The following FER1L6 variants were observed in gnomAD, a reference collection of about 807,000 sequenced individuals.
FER1L6 encodes the protein fer-1 like family member 6.
FER1L6 carries 177 observed loss-of-function variants against 219.2 expected under a neutral mutation model. The observed-to-expected ratio is 0.81, with a 90% confidence interval of 0.71 to 0.91. The LOEUF (loss-of-function observed/expected upper bound fraction) is 0.91. FER1L6 is among the 40% of genes least tolerant of loss of function. The probability of loss-of-function intolerance (pLI) is 0.00; values close to 1 mark genes in which losing one functional copy is unlikely to be tolerated. For missense variants in FER1L6, 2,153 were observed against 2,259.9 expected (o/e 0.95, Z 0.96); for synonymous variants, 768 against 824.3 (o/e 0.93, Z 1.17).
chr8:124,076,068 T>C, intron 31 of FER1L6, 130 bp from the exon 32 acceptor site: 1 of 1,177,364 alleles, frequency 8.5e-7, no homozygotes, highest in Non-Finnish European at 1.2e-6. Context: ...CCCAAAGCCC[T>C]GGCCCGTTAA....
chr8:123,862,633 A>G lies in FER1L6; in HGVS notation c.-8+10448A>G, dbSNP rs1462732889. On this transcript the variant is annotated intron_variant, in intron 1 of 40. Transcript: ENST00000522917. ...CTGGACTCTTTTTGGCTGGTAAACT[A>G]TTGATTATTGCCACAATTTCAGCTC... is the stretch of plus-strand genomic sequence containing the variant. 4.5e-4 allele frequency among the ~76,000 whole-genome samples: 65 copies of G among 145,760 alleles called. 2 individuals carry two copies. The highest frequency in any genetic ancestry group is 1.7e-3 in the African/African-American group (64 of 36,852).
At chr8:123,949,853 A>C (rs968243272) in intron 1 of FER1L6, among the ~76,000 whole-genome samples, 2 of 152,194 alleles carry the variant, frequency 1.3e-5, no homozygotes, top group Non-Finnish European at 2.9e-5. Flanking sequence ...CCAAAAGATA[A>C]TCAAGCAATA....
At chr8:124,037,057 G>C (rs1819249339) in intron 19 of FER1L6, among the ~76,000 whole-genome samples, 1 of 152,178 alleles carries the variant, frequency 6.6e-6, no homozygotes, top group South Asian at 2.1e-4. Flanking sequence ...TAGCACAAGA[G>C]GTGTACCAAT....
chr8:123,863,702 T>C (rs1166641250), intron 1 of FER1L6, among the ~76,000 whole-genome samples: 7 of 147,926 alleles, frequency 4.7e-5, no homozygotes, highest in Admixed American at 2.0e-4. Context: ...AGTTAGCTCT[T>C]CTTGTTGAAT....
Position 124,083,378 on chromosome 8 carries a change from A to G in FER1L6, c.4391+920A>G, listed in dbSNP as rs1417606651. On this transcript the variant is annotated intron_variant, in intron 33 of 40. Coordinates refer to ENST00000522917, the MANE Select transcript of FER1L6 (RefSeq NM_001039112.2). Reference sequence around the variant, plus strand: ...TATTTTTCTTAACCTAATGTCTTTAATTCATGTTGATTTTATTTTTGCATA... The same window carrying G: ...TATTTTTCTTAACCTAATGTCTTTAGTTCATGTTGATTTTATTTTTGCATA... Among the ~76,000 whole-genome samples, 4 of 151,996 alleles carry G rather than the reference A, an allele frequency of 2.6e-5. No individual in the cohort carries two copies. In the East Asian group the frequency reaches 7.7e-4, roughly 29 times the overall value.
intron 1 of FER1L6, among the ~76,000 whole-genome samples, chr8:123,945,233 C>G (rs1814435658): frequency 6.6e-6 from 1 of 152,196 alleles, no homozygotes; most frequent in East Asian, 1.9e-4. Flanking sequence ...TGACCCTGAG[C>G]TGAGGCTGAA....
intron 8 of FER1L6, 24 bp downstream of exon 8, chr8:123,975,330 G>A (rs762419451): frequency 8.9e-6 from 14 of 1,579,266 alleles, no homozygotes; most frequent in Admixed American, 8.7e-5. Flanking sequence ...ATCCTGGGTT[G>A]TGCATAGAAA....
At chr8:123,891,238 C>A (rs1812643902) in intron 1 of FER1L6, among the ~76,000 whole-genome samples, 1 of 152,132 alleles carries the variant, frequency 6.6e-6, no homozygotes, top group African/African-American at 2.4e-5. Context: ...GTTACTTAAT[C>A]AATTGTCAGT....
At chr8:123,959,776 G>T (rs1454945437) in intron 2 of FER1L6, among the ~76,000 whole-genome samples, 1 of 152,264 alleles carries the variant, frequency 6.6e-6, no homozygotes, top group Admixed American at 6.5e-5. Context: ...GTCTGAAGGT[G>T]GTGGCTATGA....
chr8:124,040,786 G>A (rs1198736475), intron 20 of FER1L6: 2 of 152,218 alleles, frequency 1.3e-5, no homozygotes, highest in East Asian at 3.8e-4. Flanking sequence ...TTCTTCTGAA[G>A]CCACCAGTTC....
chr8:124,000,634 G>A (rs1055008877), intron 12 of FER1L6, among the ~76,000 whole-genome samples: 5 of 152,270 alleles, frequency 3.3e-5, no homozygotes, highest in African/African-American at 1.2e-4. Flanking sequence ...AGTTTAAGGA[G>A]TTAAGGCATA....
rs550063074 is a variant in FER1L6 at position 124,004,769 on chromosome 8, C to T, written c.1700+1422C>T. ...ATCCCAGCACTTTGGGAGGCCGAGG[C>T]GGGTGGATCGCGAGGTCAGGAGTTC... On this transcript the variant is annotated intron_variant, in intron 13 of 40. Coordinates refer to ENST00000522917, the MANE Select transcript of FER1L6 (RefSeq NM_001039112.2). Among the ~76,000 whole-genome samples, 237 of 152,128 alleles carry T rather than the reference C, an allele frequency of 1.6e-3. 1 individual carries two copies. The highest frequency in any genetic ancestry group is 5.4e-3 in the African/African-American group (226 of 41,488).
At chr8:124,036,140 T>G (rs1819196993) in intron 19 of FER1L6, 1 of 152,252 alleles carries the variant, frequency 6.6e-6, no homozygotes, top group Non-Finnish European at 1.5e-5. Context: ...CCTGCAGTTT[T>G]ACCTTCATTT....
intron 12 of FER1L6, among the ~76,000 whole-genome samples, chr8:124,002,893 A>G (rs946864296): frequency 6.6e-6 from 1 of 152,064 alleles, no homozygotes; most frequent in Non-Finnish European, 1.5e-5. Context: ...AAATGGTTAT[A>G]ACAGTTTTGT....
At chr8:123,953,459 T>A (rs894384110) in intron 1 of FER1L6, among the ~76,000 whole-genome samples, 6 of 152,156 alleles carry the variant, frequency 3.9e-5, no homozygotes, top group South Asian at 2.1e-4. Context: ...GCGACTCCAA[T>A]GGGCAGCAGG....
intron 11 of FER1L6, among the ~76,000 whole-genome samples, chr8:123,982,005 G>C (rs940828564): frequency 1.3e-5 from 2 of 152,110 alleles, no homozygotes; most frequent in African/African-American, 4.8e-5. Flanking sequence ...TTGTGACTTT[G>C]GAAACTTAGT....
chr8:123,953,046 G>A (rs1814841183), intron 1 of FER1L6, among the ~76,000 whole-genome samples: 1 of 152,194 alleles, frequency 6.6e-6, no homozygotes, highest in African/African-American at 2.4e-5. Context: ...TGAACCCTGT[G>A]TCACGGGTTC....
At chr8:123,878,033 G>A (rs889361165) in intron 1 of FER1L6, among the ~76,000 whole-genome samples, 1 of 152,156 alleles carries the variant, frequency 6.6e-6, no homozygotes, top group South Asian at 2.1e-4. Context: ...ATAAAATGGA[G>A]GGTCTCCTTT....
At chr8:124,001,032 G>C (rs535785169) in intron 12 of FER1L6, among the ~76,000 whole-genome samples, 63 of 152,302 alleles carry the variant, frequency 4.1e-4, no homozygotes, top group African/African-American at 1.5e-3. Flanking sequence ...GACTTATGAG[G>C]TGGGGCTCTA....
Sources: allele counts gnomAD v4.1 joint callset (sites outside exome capture counted in the v4.1 genomes callset), GRCh38; gene constraint gnomAD v4.1.1; transcripts MANE v1.5; gene names NCBI Gene and HGNC (gene_info 2026-07-23, HGNC 2026-07-21).